GLT1D1: variants seen among roughly 807,000 people sequenced by gnomAD.
GLT1D1 encodes the protein glycosyltransferase 1 domain-containing protein 1.
Under a neutral mutation model 28.7 loss-of-function variants are expected in GLT1D1, and 21 were observed. The observed-to-expected ratio is 0.73, with a 90% confidence interval of 0.52 to 1.05. GLT1D1 has a LOEUF of 1.05. Ranked by LOEUF, GLT1D1 falls within the 50% of genes least tolerant of loss-of-function variation. GLT1D1 has a pLI of 0.00. For synonymous variants in GLT1D1, 147 were observed against 124.8 expected, an observed-to-expected ratio of 1.18 and a Z score of -1.19; for missense variants, 343 against 330.6, an observed-to-expected ratio of 1.04 and a Z score of -0.29.
At chr12:128,879,259 T>C (rs773859384) in intron 2 of GLT1D1, among the ~76,000 whole-genome samples, 7 of 152,136 alleles carry the variant, frequency 4.6e-5, no homozygotes, top group Non-Finnish European at 8.8e-5. Flanking sequence ...ATCACTTAGG[T>C]ATTAAGACCA....
intron 4 of GLT1D1, chr12:128,945,071 T>G (rs1431028415): frequency 1.5e-6 from 1 of 663,714 alleles, no homozygotes; most frequent in African/African-American, 1.8e-5. Flanking sequence ...CCCCGCAGCA[T>G]GTTGTCCCGG....
At chr12:128,962,968 G>A (rs1490070146) in intron 7 of GLT1D1, among the ~76,000 whole-genome samples, 2 of 152,108 alleles carry the variant, frequency 1.3e-5, no homozygotes, top group African/African-American at 4.8e-5. Context: ...CCAAAGTGCT[G>A]GGATTACAGG....
chr12:128,946,359 G>A (rs1876074083), intron 5 of GLT1D1, among the ~76,000 whole-genome samples: 2 of 152,194 alleles, frequency 1.3e-5, no homozygotes, highest in Non-Finnish European at 2.9e-5. Flanking sequence ...TGTTGTTGTT[G>A]TTGTTGAGAC....
At chr12:128,914,670 A>G (rs563611799) in intron 4 of GLT1D1, among the ~76,000 whole-genome samples, 3 of 151,908 alleles carry the variant, frequency 2.0e-5, no homozygotes, top group African/African-American at 7.2e-5. Flanking sequence ...AAATACAAAA[A>G]TTAGCCGGGT....
intron 4 of GLT1D1, 137 bp from the exon 5 acceptor site, chr12:128,912,287 A>G: frequency 4.0e-6 from 2 of 495,892 alleles, no homozygotes; most frequent in Non-Finnish European, 7.1e-6. Context: ...TAAGTCTATG[A>G]GCAGCTGTGT....
At chr12:128,976,479 C>G (rs1257331701) in intron 7 of GLT1D1, among the ~76,000 whole-genome samples, 1 of 152,228 alleles carries the variant, frequency 6.6e-6, no homozygotes, top group Non-Finnish European at 1.5e-5. Flanking sequence ...AACCCGAGAT[C>G]TTTAACGACG....
At chr12:128,945,927 G>C (rs1876009572) in intron 5 of GLT1D1, among the ~76,000 whole-genome samples, 1 of 152,142 alleles carries the variant, frequency 6.6e-6, no homozygotes, top group Non-Finnish European at 1.5e-5. Context: ...ATTTTAAGTG[G>C]GGTGATGGGA....
At chr12:128,941,685 G>C (rs540985) in intron 4 of GLT1D1, among the ~76,000 whole-genome samples, 20,075 of 147,934 alleles carry the variant, frequency 0.14, 1,500 homozygotes, top group South Asian at 0.28. Flanking sequence ...CGATTCTTCC[G>C]CTTCAGCTTC....
At chr12:128,920,076 G>A (rs555530018) in intron 4 of GLT1D1, among the ~76,000 whole-genome samples, 38 of 150,098 alleles carry the variant, frequency 2.5e-4, no homozygotes, top group African/African-American at 8.8e-4. Flanking sequence ...TCAGATTGTA[G>A]CACTTTTCTT....
intron 4 of GLT1D1, among the ~76,000 whole-genome samples, chr12:128,923,825 C>T (rs915178223): frequency 5.9e-5 from 9 of 152,054 alleles, no homozygotes; most frequent in African/African-American, 2.2e-4. Context: ...TGGCCAGGAT[C>T]CCTCACTTTA....
intron 4 of GLT1D1, 94 bp from the exon 5 acceptor site, chr12:128,912,330 T>C: frequency 1.4e-6 from 1 of 738,078 alleles, no homozygotes; most frequent in South Asian, 1.8e-5. Flanking sequence ...CCAGGACGGC[T>C]TTTTTTGTTA....
chr12:128,977,061 G>A (rs541246819), intron 7 of GLT1D1, among the ~76,000 whole-genome samples: 191 of 152,270 alleles, frequency 1.3e-3, no homozygotes, highest in Non-Finnish European at 2.3e-3. Context: ...CAGGTGAATC[G>A]CTTGACCCCG....
At chr12:128,924,613 C>T (rs915380634) in intron 4 of GLT1D1, among the ~76,000 whole-genome samples, 12 of 151,882 alleles carry the variant, frequency 7.9e-5, no homozygotes, top group Admixed American at 1.3e-4. Flanking sequence ...CCCGCCACCA[C>T]GCCCAGTTAA....
rs553889897 is a variant in GLT1D1, at chr12:128,890,825, T to A, written c.323+2081T>A. On this transcript the variant is annotated intron_variant, in intron 3 of 7. Coordinates refer to ENST00000281703, the MANE Select transcript of GLT1D1 (RefSeq NM_144669.3). ...ACCAGCCTGGACAACAGGGTGAAAC[T>A]CCATCTCTACTAAAAATACAAAAAT... Among the ~76,000 whole-genome samples, 27 of 152,124 alleles carry A rather than the reference T, an allele frequency of 1.8e-4. 1 individual carries two copies. In the South Asian group the frequency reaches 5.6e-3, roughly 32 times the overall value.
At chr12:128,875,612 C>T (rs1274505945) in intron 1 of GLT1D1, among the ~76,000 whole-genome samples, 2 of 152,132 alleles carry the variant, frequency 1.3e-5, no homozygotes, top group Admixed American at 6.6e-5. Context: ...GCTTGGCCAA[C>T]ATGGTGAAAC....
intron 4 of GLT1D1, among the ~76,000 whole-genome samples, chr12:128,939,849 C>T (rs977322284): frequency 7.1e-6 from 1 of 140,218 alleles, no homozygotes; most frequent in South Asian, 2.3e-4. Flanking sequence ...CCCCCCCCAC[C>T]GCCGATCCAA....
chr12:128,953,913 T>G (rs1876989077), intron 6 of GLT1D1, among the ~76,000 whole-genome samples: 1 of 151,680 alleles, frequency 6.6e-6, no homozygotes, highest in South Asian at 2.1e-4. Flanking sequence ...GCCTGGCTAA[T>G]TTTTGTCTTT....
At chr12:128,891,717 G>C (rs1229832318) in intron 3 of GLT1D1, among the ~76,000 whole-genome samples, 1 of 152,042 alleles carries the variant, frequency 6.6e-6, no homozygotes, top group Non-Finnish European at 1.5e-5. Context: ...TGAAAACCAG[G>C]GTTACTGAGA....
chr12:128,875,074 G>GTGTT (rs1956840567), intron 1 of GLT1D1, among the ~76,000 whole-genome samples: 1 of 151,916 alleles, frequency 6.6e-6, no homozygotes, highest in Admixed American at 6.6e-5. Context: ...GTGTGTGTGT[G>GTGTT]TGTGTGTGTG....
Sources: gnomAD v4.1 joint callset for allele counts (sites outside exome capture counted in the v4.1 genomes callset) on GRCh38, gnomAD v4.1.1 for gene constraint, MANE v1.5 for transcripts, NCBI Gene and HGNC (gene_info 2026-07-23, HGNC 2026-07-21) for gene names.